SPARC: variants seen among roughly 807,000 people sequenced by gnomAD.
SPARC encodes secreted protein acidic and cysteine rich.
In SPARC, 23 loss-of-function variants were observed where a neutral mutation model predicts 37.7. That is an observed-to-expected ratio of 0.61 (90% CI 0.44 to 0.87). The LOEUF is 0.87. Ranked by LOEUF, SPARC falls within the 40% of genes least tolerant of loss-of-function variation. SPARC has a pLI of 0.00. For missense variants in SPARC, 312 were observed against 389.0 expected (o/e 0.80, Z 1.66); for synonymous variants, 155 against 150.8 (o/e 1.03, Z -0.20).
chr5:151,674,863 G>C (rs961544841), intron 2 of SPARC, among the ~76,000 whole-genome samples, 189 bp from the exon 3 acceptor site: 1 of 152,194 alleles, frequency 6.6e-6, no homozygotes, highest in African/African-American at 2.4e-5. Context: ...TGTGAGCACC[G>C]TGGAACACTC....
intron 9 of SPARC, 26 bp from the exon 10 acceptor site, chr5:151,663,625 T>TA (rs753899046): frequency 6.2e-7 from 1 of 1,613,246 alleles, no homozygotes. Context: ...AGAGCACGGT[T>TA]AAAAATAAGG....
At chr5:151,679,727 T>G (rs1270619446) in intron 1 of SPARC, 1 of 152,212 alleles carries the variant, frequency 6.6e-6, no homozygotes, top group Non-Finnish European at 1.5e-5. Context: ...GGAAAGACTC[T>G]GAGGATGGAA....
rs1760553317 is a variant in SPARC, at chr5:151,663,440, T to C, written c.*131A>G. 1.2e-6 allele frequency: 1 copy of C among 857,548 alleles called. No homozygotes were observed. The highest frequency in any genetic ancestry group is 2.5e-5 in the East Asian group (1 of 40,772). 53.1% of individuals were successfully genotyped at this position (857,548 alleles called of 1,614,324 possible). ...GAATTTTCATTTTTAGCACCGTTAA[T>C]GTATTCACTTAAATCTATGTTAGCA... On this transcript the variant is annotated 3_prime_UTR_variant, in exon 10 of 10. Coordinates refer to ENST00000231061, the MANE Select transcript of SPARC (RefSeq NM_003118.4).
rs1320874822 is a variant in SPARC at position 151,671,626 on chromosome 5, A to T, written c.277T>A (p.Cys93Ser). The T allele has an allele frequency of 1.2e-6, 2 of 1,607,926 alleles. No individual in the cohort carries two copies. Among genetic ancestry groups the T allele is most frequent in the Non-Finnish European group, 1.7e-6 (2 of 1,176,858 alleles). ...CAGCTGGTGGGGTCCTGGCACACGC[A>T]CATGGGGGTGTTGTTCTCATCCAGC... ...CELDENNTPM[C>S]VCQDPTSCPA... Residue 93 changes from cysteine (C) to serine (S), a missense_variant, in exon 5 of 10, where the codon TGC (cysteine) becomes AGC (serine). By Grantham distance (112) the Cys-to-Ser change is moderately radical. Coordinates refer to ENST00000231061, the MANE Select transcript of SPARC (RefSeq NM_003118.4).
At chr5:151,684,842 A>G (rs775578417) in intron 1 of SPARC, among the ~76,000 whole-genome samples, 1 of 152,132 alleles carries the variant, frequency 6.6e-6, no homozygotes, top group African/African-American at 2.4e-5. Flanking sequence ...GTCAAATGGT[A>G]CCTTCAGGGC....
chr5:151,674,338 CT>C (rs1372790244), intron 3 of SPARC, among the ~76,000 whole-genome samples: 1 of 152,108 alleles, frequency 6.6e-6, no homozygotes. Context: ...TTTGCAAAAA[CT>C]GTGGGTAATC....
intron 5 of SPARC, among the ~76,000 whole-genome samples, chr5:151,670,459 A>G (rs750508323): frequency 6.6e-6 from 1 of 152,246 alleles, no homozygotes; most frequent in Non-Finnish European, 1.5e-5. Context: ...TAGCTGGGGT[A>G]AGAATGCACT....
At chr5:151,667,062 A>C (rs982767991) in intron 7 of SPARC, among the ~76,000 whole-genome samples, 7 of 152,230 alleles carry the variant, frequency 4.6e-5, no homozygotes, top group Admixed American at 4.6e-4. Context: ...GGGAGTATTT[A>C]GAATGCAGCT....
In SPARC at chr5:151,661,517, A is replaced by T. The variant is rs1760502074; in HGVS notation, c.*2054T>A. The T allele has an allele frequency of 6.6e-6, 1 of 152,204 alleles. No homozygotes were observed. The highest frequency in any genetic ancestry group is 2.4e-5 in the African/African-American group (1 of 41,458). The allele number at this position is 152,204 out of a possible 1,614,324, so 9.4% of individuals were successfully genotyped here. A position where few individuals can be genotyped will look rare whatever the true frequency, so the allele number is the denominator to read the frequency against. On this transcript the variant is annotated 3_prime_UTR_variant, in exon 10 of 10. Coordinates refer to ENST00000231061, the MANE Select transcript of SPARC (RefSeq NM_003118.4). ...CTTAAAATAAGAGAGGGGAAATGAC[A>T]TCTGGAGATCTAGGTATGTGGCCCA...
intron 8 of SPARC, among the ~76,000 whole-genome samples, chr5:151,665,278 A>C (rs1020994648): frequency 1.3e-5 from 2 of 152,188 alleles, no homozygotes; most frequent in African/African-American, 4.8e-5. Context: ...CAGTGGGATC[A>C]AATTGCTTTG....
In SPARC at chr5:151,663,266, A is replaced by C; in HGVS notation, c.*305T>G. ...AAAGTTGAAGCTGCAATGTGTGTTT[A>C]AGGCAGAGCCCAGCAGATCCGTGTC... On this transcript the variant is annotated 3_prime_UTR_variant, in exon 10 of 10. Transcript: ENST00000231061. 2.7e-6 allele frequency: 1 copy of C among 369,614 alleles called. No individual in the cohort carries two copies. The highest frequency in any genetic ancestry group is 4.9e-6 in the Non-Finnish European group (1 of 203,474). The allele number at this position is 369,614 out of a possible 1,614,324, so 22.9% of individuals were successfully genotyped here.
At chr5:151,686,728 G>A (rs1244072065) in intron 1 of SPARC, 137 bp downstream of exon 1, 1 of 152,330 alleles carries the variant, frequency 6.6e-6, no homozygotes, top group African/African-American at 2.4e-5. Context: ...CTCTTAAGGG[G>A]AGCCGTGATG....
intron 1 of SPARC, among the ~76,000 whole-genome samples, chr5:151,680,367 A>G (rs1760959600): frequency 6.6e-6 from 1 of 151,366 alleles, no homozygotes; most frequent in Non-Finnish European, 1.5e-5. Context: ...AGCTGAGATC[A>G]CAGGCACTTG....
At chr5:151,673,042 A>G (rs954732587) in intron 4 of SPARC, 87 bp downstream of exon 4, 12 of 893,276 alleles carry the variant, frequency 1.3e-5, no homozygotes, top group Non-Finnish European at 2.3e-5. Flanking sequence ...TTCTGCTGGA[A>G]GGAGCCTCAT....
intron 4 of SPARC, among the ~76,000 whole-genome samples, chr5:151,672,256 T>C (rs1281804400): frequency 6.6e-6 from 1 of 152,192 alleles, no homozygotes; most frequent in Non-Finnish European, 1.5e-5. Context: ...TGTCCCTCTG[T>C]TCAACAGAAA....
rs371588378 is a variant in SPARC at position 151,673,195 on chromosome 5, C to G, written c.142G>C (p.Val48Leu). Residue 48 changes from valine to leucine, a missense_variant, in exon 4 of 10, where the codon GTC (valine) becomes CTC (leucine). Coordinates refer to ENST00000231061, the MANE Select transcript of SPARC (RefSeq NM_003118.4). The part of the protein sequence containing the change: ...VTEVSVGANP[V>L]QVEVGEFDDG... ...TCAAATTCTCCTACTTCCACCTGGA[C>G]AGGATTAGCTCCCACAGATACCTGG... is the stretch of plus-strand genomic sequence containing the variant. 3 of 1,613,322 alleles carry G rather than the reference C, an allele frequency of 1.9e-6. No individual in the cohort carries two copies. Among genetic ancestry groups the G allele is most frequent in the East Asian group, 4.5e-5 (2 of 44,898 alleles).
chr5:151,664,269 A>G, intron 8 of SPARC, 34 bp from the exon 9 acceptor site: 1 of 1,602,262 alleles, frequency 6.2e-7, no homozygotes, highest in African/African-American at 1.3e-5. Context: ...GGCCTGAGGC[A>G]TGGAAAAGCT....
At position 151,662,399 on chromosome 5, in the gene SPARC, T is replaced by A. The variant is rs891856454; in HGVS notation, c.*1172A>T. On this transcript the variant is annotated 3_prime_UTR_variant, in exon 10 of 10. Coordinates refer to ENST00000231061, the MANE Select transcript of SPARC (RefSeq NM_003118.4). ...GTGTTTTTGTGTCAGGATAATAAGG[T>A]GACTAAGACTAAGACACATGCAAAT... 1 of 152,632 alleles carries A rather than the reference T, an allele frequency of 6.6e-6. No individual in the cohort carries two copies. The highest frequency in any genetic ancestry group is 2.4e-5 in the African/African-American group (1 of 41,442). The allele number at this position is 152,632 out of a possible 1,614,324, so 9.5% of individuals were successfully genotyped here.
chr5:151,665,060 AAT>A (rs1480472876), intron 8 of SPARC, among the ~76,000 whole-genome samples: 1 of 152,186 alleles, frequency 6.6e-6, no homozygotes, highest in Non-Finnish European at 1.5e-5. Flanking sequence ...GAAATCACAC[AAT>A]GTTTGAACTG....
Sources: gnomAD v4.1 joint callset for allele counts (sites outside exome capture counted in the v4.1 genomes callset) on GRCh38, gnomAD v4.1.1 for gene constraint, MANE v1.5 for transcripts, NCBI Gene and HGNC (gene_info 2026-07-23, HGNC 2026-07-21) for gene names.